The following NXPE2 variants were observed in gnomAD, a reference collection of about 807,000 sequenced individuals.
The protein encoded by NXPE2 is NXPE family member 2.
A neutral mutation model predicts 34.4 loss-of-function variants in NXPE2; 34 were observed. That is an observed-to-expected ratio of 0.99 (90% CI 0.75 to 1.31). The LOEUF (loss-of-function observed/expected upper bound fraction) is 1.31. Ranked by LOEUF, NXPE2 falls within the 40% of genes most tolerant of loss-of-function variation. The pLI is 0.00. For synonymous variants in NXPE2, 235 were observed against 231.3 expected, an observed-to-expected ratio of 1.02 and a Z score of -0.15; for missense variants, 649 against 672.5, an observed-to-expected ratio of 0.97 and a Z score of 0.39.
At chr11:114,736,560 C>T in the NXPE2 span, among the ~76,000 whole-genome samples, 1 of 152,044 alleles carries the variant, frequency 6.6e-6, no homozygotes, top group African/African-American at 2.4e-5. Context: ...TTTCAAGGTG[C>T]CCAGATTTCA....
the NXPE2 span, among the ~76,000 whole-genome samples, chr11:114,792,474 T>C: frequency 6.6e-6 from 1 of 152,210 alleles, no homozygotes; most frequent in Non-Finnish European, 1.5e-5. Flanking sequence ...TTTTAATAAC[T>C]CTCTGCTCCC....
At chr11:114,705,682 G>A (rs1223332496) in intron 4 of NXPE2, 99 bp from the exon 5 acceptor site, 3 of 632,300 alleles carry the variant, frequency 4.7e-6, no homozygotes, top group Non-Finnish European at 7.8e-6. Context: ...AAGAGAAAGG[G>A]GGAGGAAAAA....
chr11:114,787,680 TTTAA>T, the NXPE2 span, among the ~76,000 whole-genome samples: 5 of 151,992 alleles, frequency 3.3e-5, no homozygotes, highest in African/African-American at 9.7e-5. Context: ...TGAAAAAAAG[TTTAA>T]TTAGGGAAAT....
At chr11:114,700,327 G>T (rs1392054277) in intron 3 of NXPE2, among the ~76,000 whole-genome samples, 1 of 152,160 alleles carries the variant, frequency 6.6e-6, no homozygotes, top group Non-Finnish European at 1.5e-5. Flanking sequence ...AGTTTCAAAC[G>T]TGATGGTTGA....
chr11:114,618,010 C>T, the NXPE2 span, among the ~76,000 whole-genome samples: 3 of 151,906 alleles, frequency 2.0e-5, no homozygotes, highest in African/African-American at 7.3e-5. Context: ...CCAGTGTTAC[C>T]CGCTGGATAA....
At position 114,696,340 on chromosome 11, in the gene NXPE2, C is replaced by CAAA. The variant is rs773266644; in HGVS notation, c.133-1688_133-1686dup. Among the ~76,000 whole-genome samples the CAAA allele has an allele frequency of 1.0e-3, 65 of 64,552 alleles. 1 individual carries two copies. Among genetic ancestry groups the CAAA allele is most frequent in the Admixed American group, 1.3e-3 (7 of 5,364 alleles). 42.3% of individuals were successfully genotyped at this position (64,552 alleles called of 152,430 possible). On this transcript the variant is annotated intron_variant, in intron 2 of 5. Transcript: ENST00000389586. ...GAGTGAGACTCCATATCAAAAAAAC[C>CAAA]AAAAAAAAAAAAAAAAAAAGAAAGA...
chr11:114,682,284 C>G (rs1056190692), intron 2 of NXPE2, among the ~76,000 whole-genome samples: 4 of 152,166 alleles, frequency 2.6e-5, no homozygotes, highest in Non-Finnish European at 5.9e-5. Flanking sequence ...GCTGGTCTCG[C>G]ATCAGTGTGC....
chr11:114,705,764 G>A lies in NXPE2; in HGVS notation c.929-17G>A, dbSNP rs1951460048. The stretch of plus-strand genomic sequence containing the variant: ...GTGGTAATAAAAATTACTTAATCTG[G>A]AAATTTGTATTGCCAGAGAGCGAGA... On this transcript the variant is annotated splice_polypyrimidine_tract_variant and intron_variant, in intron 4 of 5. Coordinates refer to ENST00000389586, the MANE Select transcript of NXPE2 (RefSeq NM_182495.6). The A allele has an allele frequency of 7.3e-7, 1 of 1,373,960 alleles. No homozygotes were observed. Among genetic ancestry groups the A allele is most frequent in the East Asian group, 2.9e-5 (1 of 34,334 alleles). 85.1% of individuals were successfully genotyped at this position (1,373,960 alleles called of 1,614,324 possible).
At chr11:114,586,002 G>A in the NXPE2 span, among the ~76,000 whole-genome samples, 2 of 152,204 alleles carry the variant, frequency 1.3e-5, no homozygotes, top group South Asian at 2.1e-4. Context: ...GATTAGAGTG[G>A]GACAGCCAGC....
the NXPE2 span, among the ~76,000 whole-genome samples, chr11:114,733,250 C>T: frequency 1.3e-5 from 2 of 152,106 alleles, no homozygotes; most frequent in East Asian, 3.9e-4. Context: ...CCCACCAACA[C>T]GCCCGGCTAA....
At chr11:114,673,213 C>T in the NXPE2 span, among the ~76,000 whole-genome samples, 51 of 151,148 alleles carry the variant, frequency 3.4e-4, 1 homozygote, top group South Asian at 9.1e-3. Context: ...TTAAACAACA[C>T]ACTACTAAAT....
At chr11:114,767,914 A>G in the NXPE2 span, among the ~76,000 whole-genome samples, 1 of 152,138 alleles carries the variant, frequency 6.6e-6, no homozygotes, top group African/African-American at 2.4e-5. Flanking sequence ...ATTATTAGCT[A>G]TCTGACGGGC....
the NXPE2 span, among the ~76,000 whole-genome samples, chr11:114,620,481 G>T: frequency 7.3e-5 from 11 of 149,994 alleles, no homozygotes; most frequent in East Asian, 2.0e-3. Context: ...AACCACTGTT[G>T]CCCGGTGGAT....
the NXPE2 span, among the ~76,000 whole-genome samples, chr11:114,612,422 AG>A: frequency 1.3e-5 from 2 of 151,858 alleles, no homozygotes; most frequent in Non-Finnish European, 2.9e-5. Context: ...GTGGATAATA[AG>A]TGTTGCCTCG....
chr11:114,642,821 T>A, the NXPE2 span, among the ~76,000 whole-genome samples: 1 of 152,118 alleles, frequency 6.6e-6, no homozygotes, highest in Non-Finnish European at 1.5e-5. Flanking sequence ...TAGTTCTAGA[T>A]CCTTGAGGAA....
the NXPE2 span, among the ~76,000 whole-genome samples, chr11:114,655,814 C>T: frequency 4.9e-3 from 746 of 152,226 alleles, 7 homozygotes; most frequent in African/African-American, 0.017. Flanking sequence ...ATCATAAGAG[C>T]GATTTATGAC....
chr11:114,639,605 T>C, the NXPE2 span, among the ~76,000 whole-genome samples: 1 of 149,662 alleles, frequency 6.7e-6, no homozygotes, highest in Non-Finnish European at 1.5e-5. Context: ...TATTCGGCCA[T>C]CTTGGCTGCC....
chr11:114,631,839 C>A, the NXPE2 span, among the ~76,000 whole-genome samples: 1 of 150,150 alleles, frequency 6.7e-6, no homozygotes, highest in Non-Finnish European at 1.5e-5. Context: ...CGATGTTACC[C>A]GGTGGATAAT....
chr11:114,528,022 G>A, the NXPE2 span: 8 of 644,622 alleles, frequency 1.2e-5, no homozygotes, highest in Non-Finnish European at 2.1e-5. Flanking sequence ...TGTTATTATT[G>A]TTGTAAATTT....
Sources: allele counts gnomAD v4.1 joint callset (sites outside exome capture counted in the v4.1 genomes callset), GRCh38; gene constraint gnomAD v4.1.1; transcripts MANE v1.5; gene names NCBI Gene and HGNC (gene_info 2026-07-23, HGNC 2026-07-21).